NELL1: variants seen among roughly 807,000 people sequenced by gnomAD.
The protein encoded by NELL1 is neural EGFL like 1, also known as protein kinase C-binding protein NELL1.
In NELL1, 76 loss-of-function variants were observed where a neutral mutation model predicts 107.4. The ratio of observed to expected loss-of-function variants is 0.71; its 90% confidence interval spans 0.59 to 0.86. The LOEUF (loss-of-function observed/expected upper bound fraction) is 0.86, where lower values mean the gene tolerates loss of function less well. Among genes scored for constraint, NELL1 ranks in the 40% least tolerant of loss-of-function variants. The pLI is 0.00. For synonymous variants in NELL1, 353 were observed against 341.2 expected, an observed-to-expected ratio of 1.03 and a Z score of -0.38; for missense variants, 1,024 against 1,005.5, an observed-to-expected ratio of 1.02 and a Z score of -0.25.
intron 12 of NELL1, among the ~76,000 whole-genome samples, chr11:21,063,268 C>T (rs77516091): frequency 0.15 from 22,648 of 152,122 alleles, 1,941 homozygotes; most frequent in Middle Eastern, 0.27. Flanking sequence ...GGAATCAGGG[C>T]GCATCAACCT....
chr11:21,529,374 A>G lies in NELL1; in HGVS notation c.1646-5000A>G, dbSNP rs537098830. ...GAAGCATGCTCCAGGCACATCCCTAAGAACCCAAGAGAAACAAGAGATAGA... is the reference window on the plus strand; with the variant it reads ...GAAGCATGCTCCAGGCACATCCCTAGGAACCCAAGAGAAACAAGAGATAGA... On this transcript the variant is annotated intron_variant, in intron 15 of 19. Transcript: ENST00000357134. Among the ~76,000 whole-genome samples the G allele has an allele frequency of 2.0e-5, 3 of 152,322 alleles. No homozygotes were observed. In the South Asian group the frequency reaches 6.2e-4, roughly 32 times the overall value.
rs141581952 is a variant in NELL1, at chr11:20,753,013, G to A, written c.185-30667G>A. Among the ~76,000 whole-genome samples the A allele has an allele frequency of 4.0e-3, 607 of 152,206 alleles. 1 individual carries two copies. The highest frequency in any genetic ancestry group is 0.014 in the African/African-American group (574 of 41,540). On this transcript the variant is annotated intron_variant, in intron 2 of 19. Transcript: ENST00000357134. ...CTTATTTGATTCAATTTTTCCTTCC[G>A]GAAGAATGGTCTTAATACAGTACAG... is the stretch of plus-strand genomic sequence containing the variant.
intron 8 of NELL1, 24 bp downstream of exon 8, chr11:20,927,466 C>T (rs746136636): frequency 1.3e-6 from 2 of 1,596,824 alleles, no homozygotes; most frequent in Non-Finnish European, 1.7e-6. Flanking sequence ...TAAATAAATA[C>T]AGTAAAAACA....
rs573975816 is a variant in NELL1 at position 20,729,554 on chromosome 11, A to G, written c.184+51494A>G. Among the ~76,000 whole-genome samples, 13 of 152,294 alleles carry G rather than the reference A, an allele frequency of 8.5e-5. No homozygotes were observed. The South Asian group carries it at 2.7e-3, about 32-fold the overall frequency. ...TTTATGGAAAGCTTTTTCTGTATAT[A>G]TTGAGATCATATGATTTTAAAAATT... is the stretch of plus-strand genomic sequence containing the variant. On this transcript the variant is annotated intron_variant, in intron 2 of 19. Transcript: ENST00000357134.
At chr11:20,789,985 G>A (rs1346938666) in intron 3 of NELL1, among the ~76,000 whole-genome samples, 1 of 152,190 alleles carries the variant, frequency 6.6e-6, no homozygotes, top group Non-Finnish European at 1.5e-5. Flanking sequence ...TCTGATGTCT[G>A]CTCAGCTCTG....
chr11:21,574,200 T>C (rs1857168952), intron 19 of NELL1, among the ~76,000 whole-genome samples: 1 of 151,842 alleles, frequency 6.6e-6, no homozygotes, highest in Non-Finnish European at 1.5e-5. Context: ...TGGCTCAGCT[T>C]CAAGCATCAG....
rs542152053 is a variant in NELL1, at chr11:21,562,659, G to A, written c.1980+2277G>A. Among the ~76,000 whole-genome samples, 24 of 152,050 alleles carry A rather than the reference G, an allele frequency of 1.6e-4. No individual in the cohort carries two copies. The East Asian group carries it at 4.7e-3, about 30-fold the overall frequency. ...CCTCCAATACTTACACATCCAAATGGGTGACTATAATGGCATCATCTTGGA... is the reference window on the plus strand; with the variant it reads ...CCTCCAATACTTACACATCCAAATGAGTGACTATAATGGCATCATCTTGGA... On this transcript the variant is annotated intron_variant, in intron 17 of 19. Transcript: ENST00000357134.
chr11:20,866,439 C>G (rs779961105), intron 4 of NELL1, among the ~76,000 whole-genome samples: 1 of 152,178 alleles, frequency 6.6e-6, no homozygotes, highest in Non-Finnish European at 1.5e-5. Flanking sequence ...AAGATGGACT[C>G]TCTGGTAAGG....
At chr11:21,030,622 A>ATTTTTTTTTT (rs201033870) in intron 12 of NELL1, among the ~76,000 whole-genome samples, 146 of 120,050 alleles carry the variant, frequency 1.2e-3, no homozygotes, top group Non-Finnish European at 1.7e-3. Context: ...ATTTTCTTGT[A>ATTTTTTTTTT]TTTTTTTTTT....
At chr11:21,179,360 A>G (rs2133821827) in intron 13 of NELL1, among the ~76,000 whole-genome samples, 1 of 152,028 alleles carries the variant, frequency 6.6e-6, no homozygotes, top group Middle Eastern at 3.4e-3. Flanking sequence ...TATTGCCACA[A>G]TAGTCATATG....
At chr11:20,797,602 G>T (rs1857198675) in intron 3 of NELL1, among the ~76,000 whole-genome samples, 1 of 149,498 alleles carries the variant, frequency 6.7e-6, no homozygotes, top group African/African-American at 2.5e-5. Flanking sequence ...GGAGGTTGCT[G>T]CAGTATTCTA....
chr11:20,804,462 C>T (rs900911170), intron 3 of NELL1, among the ~76,000 whole-genome samples: 1 of 152,202 alleles, frequency 6.6e-6, no homozygotes, highest in Non-Finnish European at 1.5e-5. Flanking sequence ...TCTTGAACTC[C>T]TGACATCAAG....
chr11:21,003,835 C>T (rs1286980665), intron 12 of NELL1, among the ~76,000 whole-genome samples: 1 of 151,786 alleles, frequency 6.6e-6, no homozygotes, highest in Non-Finnish European at 1.5e-5. Flanking sequence ...TTTGCATTAT[C>T]CATAAATTAT....
intron 2 of NELL1, among the ~76,000 whole-genome samples, chr11:20,757,794 T>C (rs1240387718): frequency 6.6e-6 from 1 of 152,222 alleles, no homozygotes; most frequent in Non-Finnish European, 1.5e-5. Context: ...AGCCATGTTC[T>C]CCTTTTTTTG....
intron 12 of NELL1, among the ~76,000 whole-genome samples, chr11:21,007,058 C>T (rs80304305): frequency 0.12 from 18,115 of 151,956 alleles, 1,309 homozygotes; most frequent in African/African-American, 0.2. Flanking sequence ...TGCTTTATTC[C>T]TATGATTAGA....
intron 6 of NELL1, among the ~76,000 whole-genome samples, chr11:20,918,924 A>T (rs1404418014): frequency 1.3e-5 from 2 of 152,014 alleles, no homozygotes; most frequent in Non-Finnish European, 2.9e-5. Flanking sequence ...CTTGACCTGG[A>T]TGAGAGTTTA....
intron 13 of NELL1, among the ~76,000 whole-genome samples, chr11:21,189,673 G>T (rs905316861): frequency 6.3e-5 from 7 of 111,362 alleles, no homozygotes; most frequent in East Asian, 2.3e-4. Context: ...GTTGTCTGTT[G>T]TTTCTTCCTT....
intron 13 of NELL1, among the ~76,000 whole-genome samples, chr11:21,133,886 C>A (rs1437574026): frequency 1.3e-5 from 2 of 152,188 alleles, no homozygotes; most frequent in Non-Finnish European, 2.9e-5. Flanking sequence ...GGCTCCTACC[C>A]CACCAACTCA....
intron 12 of NELL1, among the ~76,000 whole-genome samples, chr11:21,035,567 A>T (rs1165813459): frequency 6.6e-6 from 1 of 152,138 alleles, no homozygotes; most frequent in East Asian, 1.9e-4. Flanking sequence ...CTCGAACGCA[A>T]GCTTGGTTCA....
Sources: gnomAD v4.1 joint callset for allele counts (sites outside exome capture counted in the v4.1 genomes callset) on GRCh38, gnomAD v4.1.1 for gene constraint, MANE v1.5 for transcripts, NCBI Gene and HGNC (gene_info 2026-07-23, HGNC 2026-07-21) for gene names.